The following FSTL5 variants were observed in gnomAD, a reference collection of about 807,000 sequenced individuals.
FSTL5 encodes follistatin-related protein 5.
A neutral mutation model predicts 89.1 loss-of-function variants in FSTL5; 62 were observed. The observed-to-expected ratio is 0.70, with a 90% CI of 0.57 to 0.86. The LOEUF is 0.86. Among genes scored for constraint, FSTL5 ranks in the 40% least tolerant of loss-of-function variants. The pLI is 0.00. For missense variants in FSTL5, 1,057 were observed against 1,001.6 expected (o/e 1.06, Z -0.75); for synonymous variants, 383 against 346.2 (o/e 1.11, Z -1.18).
intron 4 of FSTL5, among the ~76,000 whole-genome samples, chr4:161,858,550 C>G (rs1731799065): frequency 2.6e-5 from 4 of 152,200 alleles, no homozygotes; most frequent in Admixed American, 2.6e-4. Flanking sequence ...ATAAAATACA[C>G]TTATCTGCAG....
At chr4:161,579,592 C>G (rs1733353252) in intron 8 of FSTL5, among the ~76,000 whole-genome samples, 1 of 151,950 alleles carries the variant, frequency 6.6e-6, no homozygotes, top group Non-Finnish European at 1.5e-5. Context: ...TGGCAGGCAC[C>G]TGTGATTGCA....
At chr4:161,982,890 T>C (rs930092284) in intron 3 of FSTL5, among the ~76,000 whole-genome samples, 2 of 152,196 alleles carry the variant, frequency 1.3e-5, no homozygotes, top group African/African-American at 2.4e-5. Context: ...TCATGACACT[T>C]GATACAATTG....
intron 7 of FSTL5, among the ~76,000 whole-genome samples, chr4:161,642,041 G>A (rs1272089159): frequency 6.6e-6 from 1 of 152,010 alleles, no homozygotes; most frequent in African/African-American, 2.4e-5. Context: ...ACTTTACAAA[G>A]ACATAGTTAA....
chr4:161,788,481 TA>T (rs369398646), intron 4 of FSTL5, among the ~76,000 whole-genome samples: 86 of 152,322 alleles, frequency 5.6e-4, no homozygotes, highest in Middle Eastern at 3.4e-3. Context: ...GCTCAACTTT[TA>T]AAGGATAACC....
chr4:162,006,779 G>A (rs1345658381), intron 3 of FSTL5, among the ~76,000 whole-genome samples: 1 of 151,662 alleles, frequency 6.6e-6, no homozygotes, highest in Non-Finnish European at 1.5e-5. Context: ...TCAACATCAC[G>A]AAGAAAATAT....
At chr4:161,461,944 A>T (rs1249081466) in intron 13 of FSTL5, among the ~76,000 whole-genome samples, 1 of 152,180 alleles carries the variant, frequency 6.6e-6, no homozygotes, top group African/African-American at 2.4e-5. Flanking sequence ...TAAAAAAAAA[A>T]ATCTCATTGT....
intron 8 of FSTL5, among the ~76,000 whole-genome samples, chr4:161,577,564 G>A (rs947862255): frequency 2.0e-5 from 3 of 150,964 alleles, no homozygotes; most frequent in African/African-American, 2.4e-5. Flanking sequence ...TGCAGAAAGA[G>A]AGAACTGAAA....
At chr4:161,955,099 CTT>C (rs1734994056) in intron 3 of FSTL5, among the ~76,000 whole-genome samples, 1 of 151,388 alleles carries the variant, frequency 6.6e-6, no homozygotes, top group East Asian at 1.9e-4. Flanking sequence ...ATAAAAATGA[CTT>C]AAGTTATATA....
At chr4:161,530,421 A>G (rs982426948) in intron 10 of FSTL5, among the ~76,000 whole-genome samples, 2 of 113,408 alleles carry the variant, frequency 1.8e-5, no homozygotes, top group African/African-American at 5.8e-5. Context: ...ATTTACGCAA[A>G]TAATCTTGTA....
intron 3 of FSTL5, among the ~76,000 whole-genome samples, chr4:162,028,438 G>A (rs551190641): frequency 3.5e-4 from 53 of 152,176 alleles, no homozygotes; most frequent in African/African-American, 1.3e-3. Context: ...TTAGCCAGGG[G>A]TGCTGGCACG....
chr4:161,941,788 G>C (rs1159851471), intron 3 of FSTL5, among the ~76,000 whole-genome samples: 1 of 151,760 alleles, frequency 6.6e-6, no homozygotes, highest in South Asian at 2.1e-4. Context: ...AAACCTAATA[G>C]ACCTAATAGA....
chr4:161,879,824 G>T (rs1732568232), intron 4 of FSTL5, among the ~76,000 whole-genome samples: 1 of 152,044 alleles, frequency 6.6e-6, no homozygotes, highest in African/African-American at 2.4e-5. Flanking sequence ...ACTTCCCCTT[G>T]CTTACACTTA....
chr4:161,982,874 G>A (rs768684496), intron 3 of FSTL5, among the ~76,000 whole-genome samples: 1 of 152,090 alleles, frequency 6.6e-6, no homozygotes, highest in African/African-American at 2.4e-5. Context: ...CAATGTCTTA[G>A]TTATATCATG....
chr4:161,648,790 C>A (rs1736237812), intron 7 of FSTL5, among the ~76,000 whole-genome samples: 2 of 152,162 alleles, frequency 1.3e-5, no homozygotes, highest in African/African-American at 4.8e-5. Flanking sequence ...TACTAAAAAG[C>A]TGTCTGTCTT....
chr4:162,020,627 T>C (rs1382646660), intron 3 of FSTL5, among the ~76,000 whole-genome samples: 1 of 152,072 alleles, frequency 6.6e-6, no homozygotes, highest in Non-Finnish European at 1.5e-5. Flanking sequence ...GGCTAGCGAA[T>C]GTCAAAGCCA....
chr4:161,488,851 T>C (rs1729771082), intron 12 of FSTL5, among the ~76,000 whole-genome samples: 1 of 152,098 alleles, frequency 6.6e-6, no homozygotes, highest in South Asian at 2.1e-4. Context: ...GTTCAAGAGA[T>C]TCAGAGAGCT....
chr4:161,465,908 C>T (rs533615890), intron 13 of FSTL5, among the ~76,000 whole-genome samples: 14 of 152,012 alleles, frequency 9.2e-5, no homozygotes, highest in Non-Finnish European at 1.9e-4. Flanking sequence ...TTATTAAACA[C>T]TTTCAAAAAA....
At position 161,929,879 on chromosome 4, in the gene FSTL5, T is replaced by C. The variant is rs563257568; in HGVS notation, c.161-9227A>G. On this transcript the variant is annotated intron_variant, in intron 3 of 15. Coordinates refer to ENST00000306100, the MANE Select transcript of FSTL5 (RefSeq NM_020116.5). The stretch of plus-strand genomic sequence containing the variant: ...AGGAAAAAGTGAAAAATTCAGGATT[T>C]CTACAGAGTGCTGGACTAAATGATG... Among the ~76,000 whole-genome samples the C allele has an allele frequency of 2.1e-4, 32 of 151,778 alleles. 1 individual carries two copies. The South Asian group carries it at 6.6e-3, about 32-fold the overall frequency.
intron 3 of FSTL5, among the ~76,000 whole-genome samples, chr4:161,997,420 A>G (rs377510520): frequency 2.0e-4 from 31 of 152,290 alleles, no homozygotes; most frequent in Admixed American, 7.8e-4. Context: ...GGTAATTTAC[A>G]CATAACGGTT....
Sources: gnomAD v4.1 joint callset for allele counts (sites outside exome capture counted in the v4.1 genomes callset) on GRCh38, gnomAD v4.1.1 for gene constraint, MANE v1.5 for transcripts, NCBI Gene and HGNC (gene_info 2026-07-23, HGNC 2026-07-21) for gene names.